The following IPO8 variants were observed in gnomAD, a reference collection of about 807,000 sequenced individuals.
The protein encoded by IPO8 is importin-8.
Under a neutral mutation model 141.2 loss-of-function variants are expected in IPO8, and 65 were observed. The observed-to-expected ratio is 0.46, with a 90% CI of 0.38 to 0.57. IPO8 has a LOEUF of 0.57. Ranked by LOEUF, IPO8 falls within the 20% of genes least tolerant of loss-of-function variation. The pLI is 0.00. For synonymous variants in IPO8, 411 were observed against 420.3 expected (o/e 0.98, Z 0.27); for missense variants, 980 against 1,246.8 (o/e 0.79, Z 3.22).
chr12:30,632,012 C>T lies in IPO8; in HGVS notation c.2900-1G>A, dbSNP rs1243135564. On this transcript the variant is annotated splice_acceptor_variant, in intron 23 of 24. Transcript: ENST00000256079. LOFTEE classifies it high-confidence loss of function. ...CAGGCTGCATCTCGACTCTGCACAG[C>T]TGTTGCATTTTGGGAGGAAAAGACA... 1 of 1,608,104 alleles carries T rather than the reference C, an allele frequency of 6.2e-7. No homozygotes were observed. Among genetic ancestry groups the T allele is most frequent in the Non-Finnish European group, 8.5e-7 (1 of 1,177,050 alleles).
intron 1 of IPO8, among the ~76,000 whole-genome samples, chr12:30,692,962 T>A (rs1315718721): frequency 6.6e-6 from 1 of 152,224 alleles, no homozygotes; most frequent in Non-Finnish European, 1.5e-5. Context: ...CAAACTCTTA[T>A]ACCAATATCT....
chr12:30,644,559 AG>A (rs2052615860), intron 20 of IPO8, among the ~76,000 whole-genome samples: 1 of 152,106 alleles, frequency 6.6e-6, no homozygotes, highest in Admixed American at 6.5e-5. Flanking sequence ...GCAGTTCACC[AG>A]AGATGGCCAA....
Position 30,650,165 on chromosome 12 carries a change from A to T in IPO8, c.2173-933T>A, listed in dbSNP as rs541616062. On this transcript the variant is annotated intron_variant, in intron 19 of 24. Coordinates refer to ENST00000256079, the MANE Select transcript of IPO8 (RefSeq NM_006390.4). ...AAAGACAGATTAGAAATAATACTAT[A>T]AAGAACACTATATTCTTTACATTTA... is the stretch of plus-strand genomic sequence containing the variant. Among the ~76,000 whole-genome samples the T allele has an allele frequency of 2.7e-3, 406 of 152,112 alleles. 1 individual carries two copies. Among genetic ancestry groups the T allele is most frequent in the African/African-American group, 9.3e-3 (385 of 41,564 alleles).
At chr12:30,649,647 C>T (rs1185963468) in intron 19 of IPO8, among the ~76,000 whole-genome samples, 3 of 152,102 alleles carry the variant, frequency 2.0e-5, no homozygotes, top group East Asian at 1.9e-4. Context: ...ATATTACATA[C>T]CTTTCAATTC....
chr12:30,687,410 A>C (rs1056750766), intron 2 of IPO8, among the ~76,000 whole-genome samples: 12 of 152,148 alleles, frequency 7.9e-5, no homozygotes, highest in African/African-American at 2.7e-4. Flanking sequence ...TTTCTCCTTC[A>C]GCACAATGAA....
At chr12:30,688,575 T>G (rs1348483332) in intron 2 of IPO8, 1 of 186,862 alleles carries the variant, frequency 5.4e-6, no homozygotes, top group African/African-American at 2.4e-5. Flanking sequence ...ATCCTTGTAT[T>G]TTAATAATAG....
intron 13 of IPO8, 75 bp downstream of exon 13, chr12:30,665,145 T>C (rs2052944367): frequency 2.3e-6 from 2 of 875,410 alleles, no homozygotes; most frequent in African/African-American, 1.7e-5. Context: ...AAAGGTCAAT[T>C]TATCCAAAAA....
chr12:30,684,661 A>T (rs752586850), intron 2 of IPO8, among the ~76,000 whole-genome samples: 16 of 152,338 alleles, frequency 1.1e-4, no homozygotes, highest in Non-Finnish European at 2.2e-4. Flanking sequence ...TAAGCAGAAA[A>T]CATTTCATTA....
At chr12:30,631,756 T>C (rs1350393458) in intron 24 of IPO8, 139 bp downstream of exon 24, 6 of 630,928 alleles carry the variant, frequency 9.5e-6, no homozygotes, top group South Asian at 1.9e-5. Context: ...CATACAATAA[T>C]GACAATTCCT....
intron 8 of IPO8, among the ~76,000 whole-genome samples, chr12:30,671,617 T>C (rs1002665505): frequency 3.0e-5 from 4 of 134,198 alleles, no homozygotes; most frequent in Non-Finnish European, 6.0e-5. Context: ...GAGCTTGCAG[T>C]GAGCCGAGAT....
chr12:30,676,797 GT>G, intron 5 of IPO8: 4 of 896,516 alleles, frequency 4.5e-6, no homozygotes, highest in South Asian at 1.5e-5. Context: ...GCCATGAGTT[GT>G]TTCTTGGGTC....
In IPO8 at chr12:30,634,138, T is replaced by C. The variant is rs1321230006; in HGVS notation, c.2844A>G (p.Pro948=). 3.1e-6 allele frequency: 5 copies of C among 1,613,902 alleles called. No individual in the cohort carries two copies. The African/African-American group carries it at 4.0e-5, about 13-fold the overall frequency. ...CATCCACACTATTGTCAAGGTCAAG[T>C]GGAGTACTGAACCCCTCAAGCGCGG... The part of the protein sequence containing the change: ...EETALEGFST[P]LDLDNSVDEY... The change falls in exon 23 of 25, where the codon CCA becomes CCG. Residue 948 remains proline (P), a synonymous_variant. Coordinates refer to ENST00000256079, the MANE Select transcript of IPO8 (RefSeq NM_006390.4).
intron 10 of IPO8, among the ~76,000 whole-genome samples, chr12:30,668,771 G>A (rs1218891819): frequency 2.6e-5 from 4 of 152,122 alleles, no homozygotes; most frequent in Non-Finnish European, 5.9e-5. Flanking sequence ...TTCCCTTGTG[G>A]AACACTTAGT....
chr12:30,669,323 G>C (rs1327344907), intron 9 of IPO8, 41 bp from the exon 10 acceptor site: 1 of 959,350 alleles, frequency 1.0e-6, no homozygotes, highest in Non-Finnish European at 1.6e-6. Context: ...AATGGGTATA[G>C]GCTATTCAAG....
intron 5 of IPO8, chr12:30,676,791 T>C (rs2136165956): frequency 2.3e-6 from 2 of 856,388 alleles, no homozygotes; most frequent in Non-Finnish European, 1.8e-6. Context: ...CTACCTGCCA[T>C]GAGTTGTTTC....
chr12:30,644,324 CTGCACCAT>C (rs1466238877), intron 20 of IPO8, among the ~76,000 whole-genome samples: 3 of 151,256 alleles, frequency 2.0e-5, no homozygotes, highest in Non-Finnish European at 4.4e-5. Context: ...TGAGATACGA[CTGCACCAT>C]TGCACTCCAG....
Position 30,637,118 on chromosome 12 carries a change from T to C in IPO8, c.2559A>G (p.Ala853=). 6.2e-7 allele frequency: 1 copy of C among 1,613,990 alleles called. No individual in the cohort carries two copies. The change falls in exon 22 of 25, where the codon GCA becomes GCG. Residue 853 remains alanine, a synonymous_variant. Coordinates refer to ENST00000256079, the MANE Select transcript of IPO8 (RefSeq NM_006390.4). The part of the protein sequence containing the change: ...ILLELQNRPP[A]VDAVVGQIVP... ...CAATCTGTCCCACCACAGCATCTAC[T>C]GCAGGAGGTCGATTTTGCAATTCCA...
At position 30,629,645 on chromosome 12, in the gene IPO8, C is replaced by T. The variant is rs976266855; in HGVS notation, c.*1215G>A. On this transcript the variant is annotated 3_prime_UTR_variant, in exon 25 of 25. Transcript: ENST00000256079. ...TTTTGCTGAATAAAAACCCTATGAC[C>T]CATGTTCTGGTCTTGAACTAGGTCA... 1 of 152,214 alleles carries T rather than the reference C, an allele frequency of 6.6e-6. No homozygotes were observed. Among genetic ancestry groups the T allele is most frequent in the East Asian group, 1.9e-4 (1 of 5,184 alleles). 9.4% of individuals were successfully genotyped at this position (152,214 alleles called of 1,614,324 possible). A position where few individuals can be genotyped will look rare whatever the true frequency, so the allele number is the denominator to read the frequency against.
chr12:30,653,629 A>T (rs2052757691), intron 17 of IPO8, among the ~76,000 whole-genome samples: 1 of 152,100 alleles, frequency 6.6e-6, no homozygotes, highest in Admixed American at 6.6e-5. Flanking sequence ...AAGACCCACT[A>T]TAAAGTAGAA....
Sources: allele counts gnomAD v4.1 joint callset (sites outside exome capture counted in the v4.1 genomes callset), GRCh38; gene constraint gnomAD v4.1.1; transcripts MANE v1.5; gene names NCBI Gene and HGNC (gene_info 2026-07-23, HGNC 2026-07-21).